The following AGBL4 variants were observed in gnomAD, a reference collection of about 807,000 sequenced individuals.
The protein encoded by AGBL4 is cytosolic carboxypeptidase 6.
Under a neutral mutation model 66.4 loss-of-function variants are expected in AGBL4, and 58 were observed. The ratio of observed to expected loss-of-function variants is 0.87; its 90% CI spans 0.71 to 1.09. The LOEUF (loss-of-function observed/expected upper bound fraction) is 1.09, where lower values mean the gene tolerates loss of function less well. Ranked by LOEUF, AGBL4 falls within the 50% of genes least tolerant of loss-of-function variation. The pLI is 0.00. For missense variants in AGBL4, 579 were observed against 631.0 expected (o/e 0.92, Z 0.88); for synonymous variants, 234 against 222.9 (o/e 1.05, Z -0.44).
chr1:48,769,420 G>A (rs982670791), intron 6 of AGBL4, among the ~76,000 whole-genome samples: 6 of 151,946 alleles, frequency 3.9e-5, no homozygotes, highest in Non-Finnish European at 4.4e-5. Context: ...CAGGGCTGCT[G>A]CCAACACAAT....
At chr1:49,917,465 C>A (rs1215171654) in intron 1 of AGBL4, among the ~76,000 whole-genome samples, 1 of 151,934 alleles carries the variant, frequency 6.6e-6, no homozygotes, top group Non-Finnish European at 1.5e-5. Flanking sequence ...TTTAAACCAA[C>A]AAAGATCAAA....
At chr1:49,053,265 T>TA (rs1274453962) in intron 4 of AGBL4, among the ~76,000 whole-genome samples, 2 of 152,206 alleles carry the variant, frequency 1.3e-5, no homozygotes, top group African/African-American at 4.8e-5. Context: ...GCTTATTAAC[T>TA]AAAAACAGTG....
At chr1:49,944,341 C>G (rs191257892) in intron 1 of AGBL4, among the ~76,000 whole-genome samples, 17 of 152,196 alleles carry the variant, frequency 1.1e-4, no homozygotes, top group African/African-American at 3.6e-4. Context: ...GTGGTATCCA[C>G]GGCTAAGAGA....
At chr1:49,629,559 A>C (rs1645529780) in intron 3 of AGBL4, among the ~76,000 whole-genome samples, 1 of 152,180 alleles carries the variant, frequency 6.6e-6, no homozygotes, top group Admixed American at 6.5e-5. Context: ...ACACACTGTG[A>C]GCCAGACTCC....
chr1:48,696,904 C>A (rs1027295106), intron 6 of AGBL4, among the ~76,000 whole-genome samples: 3 of 152,176 alleles, frequency 2.0e-5, no homozygotes, highest in African/African-American at 7.2e-5. Context: ...TCCGTGGCCC[C>A]TCCTCCCTGA....
chr1:49,836,437 G>A (rs1413817190), intron 2 of AGBL4, among the ~76,000 whole-genome samples: 1 of 152,126 alleles, frequency 6.6e-6, no homozygotes, highest in Non-Finnish European at 1.5e-5. Flanking sequence ...GGTCATTTAT[G>A]TTCTTCTCTA....
At chr1:48,898,644 T>C (rs1418782278) in intron 5 of AGBL4, among the ~76,000 whole-genome samples, 1 of 49,804 alleles carries the variant, frequency 2.0e-5, no homozygotes, top group African/African-American at 5.5e-5. Flanking sequence ...CATTGGTCTA[T>C]GTGCTTATTT....
chr1:48,888,354 C>A (rs1469864925), intron 5 of AGBL4, among the ~76,000 whole-genome samples: 4 of 152,158 alleles, frequency 2.6e-5, no homozygotes, highest in African/African-American at 4.8e-5. Context: ...CTCTGGGTAT[C>A]CTTCTGCCTC....
chr1:49,345,930 T>C (rs755355513), intron 3 of AGBL4, among the ~76,000 whole-genome samples: 3 of 152,128 alleles, frequency 2.0e-5, no homozygotes, highest in Non-Finnish European at 2.9e-5. Context: ...CAGACTGCTT[T>C]AAGGAATCAA....
At chr1:48,783,918 G>C (rs1645354239) in intron 6 of AGBL4, among the ~76,000 whole-genome samples, 1 of 152,098 alleles carries the variant, frequency 6.6e-6, no homozygotes, top group Admixed American at 6.6e-5. Context: ...AATATATAGG[G>C]ATCCTAAATG....
intron 5 of AGBL4, among the ~76,000 whole-genome samples, chr1:48,988,128 T>C (rs576219055): frequency 1.3e-5 from 2 of 152,272 alleles, no homozygotes; most frequent in South Asian, 4.1e-4. Flanking sequence ...ATCTTCTGAA[T>C]GCTATATACA....
At chr1:49,235,714 T>C (rs1204642892) in intron 4 of AGBL4, among the ~76,000 whole-genome samples, 1 of 152,146 alleles carries the variant, frequency 6.6e-6, no homozygotes, top group Non-Finnish European at 1.5e-5. Context: ...CTAGTGGAAA[T>C]AGAAGAGGAT....
intron 1 of AGBL4, among the ~76,000 whole-genome samples, chr1:49,939,941 T>C (rs368953467): frequency 2.6e-5 from 4 of 152,090 alleles, no homozygotes; most frequent in South Asian, 2.1e-4. Context: ...AAAATTTTCG[T>C]AACCTACTCA....
At chr1:49,998,021 G>C (rs2148414267) in intron 1 of AGBL4, among the ~76,000 whole-genome samples, 1 of 151,682 alleles carries the variant, frequency 6.6e-6, no homozygotes, top group South Asian at 2.1e-4. Flanking sequence ...GATAATCTAA[G>C]GTCACATCTC....
At chr1:49,258,421 G>A (rs956493255) in intron 3 of AGBL4, among the ~76,000 whole-genome samples, 2 of 152,090 alleles carry the variant, frequency 1.3e-5, no homozygotes, top group Admixed American at 6.6e-5. Context: ...AAATTTAGAC[G>A]AATGTATAAC....
chr1:48,701,062 C>G (rs1158653367), intron 6 of AGBL4, among the ~76,000 whole-genome samples: 1 of 152,164 alleles, frequency 6.6e-6, no homozygotes, highest in Non-Finnish European at 1.5e-5. Flanking sequence ...AATGCCCAAG[C>G]CCAGGAGTGG....
intron 4 of AGBL4, among the ~76,000 whole-genome samples, chr1:49,171,415 A>C (rs1646736015): frequency 6.6e-6 from 1 of 152,170 alleles, no homozygotes; most frequent in African/African-American, 2.4e-5. Context: ...ATTTCAAGTG[A>C]TTTTCAGATC....
intron 3 of AGBL4, among the ~76,000 whole-genome samples, chr1:49,302,275 C>T (rs142636526): frequency 1.0e-3 from 155 of 149,486 alleles, no homozygotes; most frequent in African/African-American, 3.4e-3. Flanking sequence ...TTTTCTGAGG[C>T]GTAGTCTCAC....
chr1:48,877,114 T>C (rs574688317), intron 5 of AGBL4, among the ~76,000 whole-genome samples: 2 of 152,294 alleles, frequency 1.3e-5, no homozygotes, highest in East Asian at 1.9e-4. Context: ...TGTTCTGTAC[T>C]GTTTACTTGT....
Sources: allele counts gnomAD v4.1 joint callset (sites outside exome capture counted in the v4.1 genomes callset), GRCh38; gene constraint gnomAD v4.1.1; transcripts MANE v1.5; gene names NCBI Gene and HGNC (gene_info 2026-07-23, HGNC 2026-07-21).